The following RBPJ variants were observed in gnomAD, a reference collection of about 807,000 sequenced individuals.
The protein encoded by RBPJ is recombination signal binding protein for immunoglobulin kappa J region.
RBPJ carries 9 observed loss-of-function variants against 67.8 expected under a neutral mutation model. The observed-to-expected ratio is 0.13, with a 90% CI of 0.08 to 0.23. The LOEUF (loss-of-function observed/expected upper bound fraction) is 0.23, where lower values mean the gene tolerates loss of function less well. RBPJ is among the 10% of genes least tolerant of loss of function. RBPJ has a pLI of 1.00. For synonymous variants in RBPJ, 198 were observed against 203.3 expected, an observed-to-expected ratio of 0.97 and a Z score of 0.22; for missense variants, 305 against 595.6, an observed-to-expected ratio of 0.51 and a Z score of 5.08.
intron 1 of RBPJ, among the ~76,000 whole-genome samples, chr4:26,342,059 A>G (rs1033801275): frequency 6.6e-6 from 1 of 152,174 alleles, no homozygotes; most frequent in Non-Finnish European, 1.5e-5. Flanking sequence ...GCTGAAGCAC[A>G]GATGGTTGGA....
intron 4 of RBPJ, among the ~76,000 whole-genome samples, chr4:26,416,544 G>T (rs1471476396): frequency 6.6e-6 from 1 of 152,100 alleles, no homozygotes; most frequent in Non-Finnish European, 1.5e-5. Context: ...TATACTTTTA[G>T]TATTGAAAGA....
chr4:26,168,001 A>G (rs1285155322), intron 1 of RBPJ, among the ~76,000 whole-genome samples: 4 of 151,844 alleles, frequency 2.6e-5, no homozygotes, highest in African/African-American at 4.8e-5. Flanking sequence ...AATACAGCAC[A>G]CTGATGGGTC....
intron 1 of RBPJ, among the ~76,000 whole-genome samples, chr4:26,352,367 T>C (rs1319681019): frequency 6.6e-6 from 1 of 152,168 alleles, no homozygotes; most frequent in African/African-American, 2.4e-5. Flanking sequence ...ACTAATCCCA[T>C]TCATGAGAGC....
chr4:26,388,579 TAGAGACATAG>T (rs371326473), intron 2 of RBPJ, among the ~76,000 whole-genome samples: 126 of 149,496 alleles, frequency 8.4e-4, no homozygotes, highest in African/African-American at 2.8e-3. Context: ...AGAGGTTAAA[TAGAGACATAG>T]AAGATTACAC....
Position 26,215,402 on chromosome 4 carries a change from G to GAA in RBPJ, c.-167+51788_-167+51789insAA, listed in dbSNP as rs779927576. On this transcript the variant is annotated intron_variant, in intron 1 of 4. Transcript: ENST00000512351. ...GGGAGGGAGGGAGAGAGGAAGGAAG[G>GAA]GGGGGGAAGGAAGGAAGGGAGGGAG... Among the ~76,000 whole-genome samples the GAA allele has an allele frequency of 2.3e-3, 253 of 108,580 alleles. 9 individuals are homozygous for GAA. The highest frequency in any genetic ancestry group is 8.3e-3 in the African/African-American group (203 of 24,546). The allele number at this position is 108,580 out of a possible 152,430, so 71.2% of individuals were successfully genotyped here.
At chr4:26,349,079 TGTGTGTGTGCGCGC>T (rs1726499511) in intron 1 of RBPJ, among the ~76,000 whole-genome samples, 1 of 107,912 alleles carries the variant, frequency 9.3e-6, no homozygotes, top group Non-Finnish European at 2.1e-5. Flanking sequence ...AGTTTGTGTG[TGTGTGTGTGCGCGC>T]GCGCACGCAC....
intron 1 of RBPJ, among the ~76,000 whole-genome samples, chr4:26,328,283 C>G (rs1380540329): frequency 6.6e-6 from 1 of 152,010 alleles, no homozygotes; most frequent in Non-Finnish European, 1.5e-5. Flanking sequence ...AGTGGCTCTC[C>G]TTTTAGTATT....
chr4:26,288,016 T>C (rs1721538920), intron 1 of RBPJ, among the ~76,000 whole-genome samples: 1 of 152,234 alleles, frequency 6.6e-6, no homozygotes, highest in African/African-American at 2.4e-5. Context: ...ATTTGAGTAC[T>C]TGAATATCCT....
chr4:26,302,441 C>T (rs1159988929), intron 1 of RBPJ, among the ~76,000 whole-genome samples: 1 of 152,294 alleles, frequency 6.6e-6, no homozygotes. Context: ...TCCCCAGTCC[C>T]GTTTCTCCAG....
intron 1 of RBPJ, among the ~76,000 whole-genome samples, chr4:26,293,499 G>A (rs1418947358): frequency 1.3e-5 from 2 of 149,772 alleles, no homozygotes; most frequent in Admixed American, 6.7e-5. Context: ...AGCCAAGTCT[G>A]GTGGCACATG....
At chr4:26,271,983 T>C (rs556428095) in intron 1 of RBPJ, among the ~76,000 whole-genome samples, 63 of 152,342 alleles carry the variant, frequency 4.1e-4, no homozygotes, top group Non-Finnish European at 6.8e-4. Context: ...TCCAGATTTC[T>C]GTAGGGCCAG....
chr4:26,272,407 A>T (rs1400501912), intron 1 of RBPJ, among the ~76,000 whole-genome samples: 4 of 152,026 alleles, frequency 2.6e-5, no homozygotes, highest in Non-Finnish European at 5.9e-5. Context: ...CTGTACAAAA[A>T]AAATTTTTTT....
intron 1 of RBPJ, among the ~76,000 whole-genome samples, chr4:26,366,287 G>A (rs11730468): frequency 0.52 from 75,705 of 146,488 alleles, 20,076 homozygotes; most frequent in Admixed American, 0.64. Context: ...TTTTTGTTTT[G>A]TTTTGTTTTG....
At chr4:26,241,594 C>T (rs1173010214) in intron 1 of RBPJ, among the ~76,000 whole-genome samples, 1 of 152,124 alleles carries the variant, frequency 6.6e-6, no homozygotes, top group Non-Finnish European at 1.5e-5. Flanking sequence ...TCACTGCAAC[C>T]TCTGCCTCCC....
intron 1 of RBPJ, among the ~76,000 whole-genome samples, chr4:26,169,358 T>C (rs1448625732): frequency 1.3e-5 from 2 of 152,254 alleles, no homozygotes; most frequent in African/African-American, 2.4e-5. Context: ...TTTGCCTGGG[T>C]ATCAGCAGCG....
intron 7 of RBPJ, among the ~76,000 whole-genome samples, chr4:26,425,689 C>T (rs572850851): frequency 3.3e-5 from 5 of 152,192 alleles, no homozygotes; most frequent in Non-Finnish European, 5.9e-5. Flanking sequence ...TCTATAGTGC[C>T]ACCACCCTCC....
chr4:26,362,008 G>A (rs1433510167), intron 1 of RBPJ, among the ~76,000 whole-genome samples: 14 of 152,074 alleles, frequency 9.2e-5, no homozygotes, highest in Admixed American at 5.9e-4. Context: ...GGAATTAACC[G>A]GATTCATTAA....
intron 2 of RBPJ, among the ~76,000 whole-genome samples, chr4:26,394,915 G>T (rs1577601556): frequency 1.3e-5 from 2 of 152,022 alleles, no homozygotes; most frequent in African/African-American, 2.4e-5. Flanking sequence ...TTTCTTCAAG[G>T]TTTGTTGTAA....
chr4:26,286,037 G>GGCTGCAGTGCGCTATGATCGTGCC (rs139696042), intron 1 of RBPJ, among the ~76,000 whole-genome samples: 48,812 of 133,822 alleles, frequency 0.36, 9,212 homozygotes, highest in Admixed American at 0.44. Context: ...AGGAATTCAA[G>GGCTGCAGTGCGCTATGATCGTGCC]GCTGCAGTGC....
Sources: gnomAD v4.1 joint callset for allele counts (sites outside exome capture counted in the v4.1 genomes callset) on GRCh38, gnomAD v4.1.1 for gene constraint, MANE v1.5 for transcripts, NCBI Gene and HGNC (gene_info 2026-07-23, HGNC 2026-07-21) for gene names.